The following MTFR1 variants were observed in gnomAD, a reference collection of about 807,000 sequenced individuals.
The protein encoded by MTFR1 is chondrocyte protein with a poly-proline region.
In MTFR1, 28 loss-of-function variants were observed where a neutral mutation model predicts 38.8. That is an observed-to-expected ratio of 0.72 (90% CI 0.53 to 0.99). The LOEUF is 0.99. Ranked by LOEUF, MTFR1 falls within the 50% of genes least tolerant of loss-of-function variation. MTFR1 has a pLI of 0.00. For missense variants in MTFR1, 358 were observed against 395.5 expected (o/e 0.91, Z 0.81); for synonymous variants, 145 against 137.0 (o/e 1.06, Z -0.41).
chr8:65,743,497 C>T (rs887736921), intron 3 of MTFR1, among the ~76,000 whole-genome samples: 1 of 152,204 alleles, frequency 6.6e-6, no homozygotes, highest in African/African-American at 2.4e-5. Flanking sequence ...ACAAACTTCA[C>T]TGTCTTCACA....
chr8:65,699,537 T>G (rs1006902680), intron 4 of MTFR1, among the ~76,000 whole-genome samples: 20 of 152,162 alleles, frequency 1.3e-4, no homozygotes, highest in African/African-American at 4.8e-4. Flanking sequence ...TCCCAAGCAA[T>G]TATGTCCTTT....
intron 2 of MTFR1, chr8:65,717,455 A>C (rs1055065541): frequency 2.6e-5 from 4 of 152,348 alleles, no homozygotes; most frequent in African/African-American, 9.6e-5. Flanking sequence ...TAGGAACAAA[A>C]GGCCTGGCTC....
At position 65,707,087 on chromosome 8, in the gene MTFR1, C is replaced by G. The variant is rs1805802147; in HGVS notation, c.595C>G (p.Leu199Val). ...PPPPPLPPPA[L>V]GLHQSTSAVD... ...CCCACCGCCCCTGCCTCCCCCTGCA[C>G]TGGGGCTCCACCAAAGTACATCTGC... Residue 199 changes from leucine to valine, a missense_variant, in exon 6 of 8, where the codon CTG (leucine) becomes GTG (valine). Leu to Val is a conservative substitution (Grantham distance 32, BLOSUM62 1). Coordinates refer to ENST00000262146, the MANE Select transcript of MTFR1 (RefSeq NM_014637.4). The G allele has an allele frequency of 1.9e-6, 3 of 1,612,284 alleles. No individual in the cohort carries two copies. Among genetic ancestry groups the G allele is most frequent in the African/African-American group, 2.7e-5 (2 of 74,840 alleles).
the MTFR1 span, among the ~76,000 whole-genome samples, chr8:65,777,072 A>C: frequency 2.0e-5 from 3 of 146,978 alleles, no homozygotes; most frequent in East Asian, 5.8e-4. Flanking sequence ...CAATTTTATC[A>C]AATGCTTTTT....
chr8:65,704,831 C>T lies in MTFR1; in HGVS notation c.419C>T (p.Ala140Val). Residue 140 changes from alanine (A) to valine (V), a missense_variant, in exon 5 of 8, where the codon GCA becomes GTA. Coordinates refer to ENST00000262146, the MANE Select transcript of MTFR1 (RefSeq NM_014637.4). Reference sequence around the variant, plus strand: ...ACCCCAGCGCTGGCAAATGAGGAAGCACTGCAGAAGATTTGCGCTCTCGAA... The same window carrying T: ...ACCCCAGCGCTGGCAAATGAGGAAGTACTGCAGAAGATTTGCGCTCTCGAA... ...LKTPALANEE[A>V]LQKICALENE... 1.9e-6 allele frequency: 3 copies of T among 1,614,136 alleles called. No individual in the cohort carries two copies. Among genetic ancestry groups the T allele is most frequent in the Middle Eastern group, 1.6e-4 (1 of 6,062 alleles).
chr8:65,677,407 C>T (rs868217767), intron 2 of MTFR1, among the ~76,000 whole-genome samples: 5 of 124,792 alleles, frequency 4.0e-5, no homozygotes, highest in Admixed American at 9.4e-5. Context: ...TTTTTTGAGA[C>T]GGAGTCTTGC....
intron 4 of MTFR1, among the ~76,000 whole-genome samples, chr8:65,699,574 CAG>C (rs936687593): frequency 2.0e-5 from 3 of 152,312 alleles, no homozygotes; most frequent in East Asian, 1.9e-4. Context: ...AGCTTTCCCA[CAG>C]AGCCTGTAGC....
intron 3 of MTFR1, chr8:65,739,357 C>A: frequency 1.1e-6 from 1 of 916,088 alleles, no homozygotes; most frequent in Non-Finnish European, 1.5e-6. Flanking sequence ...GATGCAAGAG[C>A]TAAATAACTG....
chr8:65,675,167 C>T (rs1011479616), intron 2 of MTFR1, among the ~76,000 whole-genome samples: 1 of 152,058 alleles, frequency 6.6e-6, no homozygotes, highest in Non-Finnish European at 1.5e-5. Flanking sequence ...AGCGCATGCC[C>T]GTAGTCCCCG....
At chr8:65,655,969 C>CACATATATA in intron 1 of MTFR1, among the ~76,000 whole-genome samples, 1 of 56,482 alleles carries the variant, frequency 1.8e-5, no homozygotes, top group Non-Finnish European at 2.8e-5. Flanking sequence ...TATATATATA[C>CACATATATA]CATATATATA....
chr8:65,698,667 C>T (rs902651543), intron 4 of MTFR1, among the ~76,000 whole-genome samples: 5 of 151,710 alleles, frequency 3.3e-5, no homozygotes, highest in African/African-American at 1.2e-4. Context: ...GCATAGGACT[C>T]AATAGGTAGT....
intron 5 of MTFR1, among the ~76,000 whole-genome samples, chr8:65,706,337 T>C (rs1805779634): frequency 6.6e-6 from 1 of 152,326 alleles, no homozygotes; most frequent in East Asian, 1.9e-4. Context: ...ACCTCCCCAA[T>C]CAAACTAGTT....
intron 2 of MTFR1, among the ~76,000 whole-genome samples, chr8:65,671,147 T>C (rs1804559680): frequency 6.6e-6 from 1 of 152,216 alleles, no homozygotes; most frequent in Non-Finnish European, 1.5e-5. Context: ...TGCATAATTT[T>C]GAGATTATTA....
rs187159131 is a variant in MTFR1 at position 65,727,100 on chromosome 8, A to G, written c.*48+7619A>G. 421 of 1,104,696 alleles carry G rather than the reference A, an allele frequency of 3.8e-4. 1 individual carries two copies. In the African/African-American group the frequency reaches 5.2e-3, roughly 14 times the overall value. The allele number at this position is 1,104,696 out of a possible 1,614,324, so 68.4% of individuals were successfully genotyped here. A position where few individuals can be genotyped will look rare whatever the true frequency, so the allele number is the denominator to read the frequency against. The stretch of plus-strand genomic sequence containing the variant: ...TTGAGAATTTATTTTCATTACTTTC[A>G]TTTCTTCAAAATATGAAAGATTTTC... On this transcript the variant is annotated intron_variant, in intron 3 of 3. Transcript: ENST00000521247.
downstream of MTFR1, among the ~76,000 whole-genome samples, chr8:65,713,572 T>C (rs562086551): frequency 1.1e-4 from 17 of 152,300 alleles, no homozygotes; most frequent in South Asian, 3.5e-3. Context: ...TTAGGACATG[T>C]AGGTATAAGA....
chr8:65,764,525 TGAA>T (rs1344690813), intron 3 of MTFR1, among the ~76,000 whole-genome samples: 2 of 152,150 alleles, frequency 1.3e-5, no homozygotes, highest in Non-Finnish European at 2.9e-5. Context: ...AATACTATAA[TGAA>T]GAAAGCTGCA....
chr8:65,747,736 A>T (rs760064920), intron 3 of MTFR1: 1 of 1,608,024 alleles, frequency 6.2e-7, no homozygotes, highest in South Asian at 1.1e-5. Flanking sequence ...AAGATCTAAG[A>T]TATCGCTGGA....
intron 1 of MTFR1, among the ~76,000 whole-genome samples, chr8:65,659,351 C>T (rs533171397): frequency 6.6e-6 from 1 of 151,840 alleles, no homozygotes; most frequent in African/African-American, 2.4e-5. Flanking sequence ...AGGCAATTTA[C>T]TGCTGCAGAA....
chr8:65,727,365 G>A, intron 3 of MTFR1: 16 of 1,590,348 alleles, frequency 1.0e-5, no homozygotes, highest in Middle Eastern at 3.4e-4. Context: ...CGCCATCACA[G>A]TAGTTTTGAA....
Sources: allele counts gnomAD v4.1 joint callset (sites outside exome capture counted in the v4.1 genomes callset), GRCh38; gene constraint gnomAD v4.1.1; transcripts MANE v1.5; gene names NCBI Gene and HGNC (gene_info 2026-07-23, HGNC 2026-07-21).